Variants in IL36G observed in about 807,000 individuals in gnomAD.
IL36G encodes the protein interleukin 36 gamma, also known as interleukin-36 gamma.
In IL36G, 10 loss-of-function variants were observed where a neutral mutation model predicts 13.5. That is an observed-to-expected ratio of 0.74 (90% CI 0.46 to 1.26). IL36G has a LOEUF of 1.26. Among genes scored for constraint, IL36G ranks in the 50% most tolerant of loss-of-function variants. The pLI, the probability that IL36G is intolerant of heterozygous loss-of-function variation, is 0.00. For synonymous variants in IL36G, 84 were observed against 74.0 expected (o/e 1.13, Z -0.69); for missense variants, 199 against 203.0 (o/e 0.98, Z 0.12).
Position 112,980,044 on chromosome 2 carries a change from G to A in IL36G, c.196G>A (p.Ala66Thr), listed in dbSNP as rs1284412138. ...TGTTATCACATGCAAGTATCCAGAGGCTCTTGAGCAAGGCAGAGGGGATCC... is the reference window on the plus strand; with the variant it reads ...TGTTATCACATGCAAGTATCCAGAGACTCTTGAGCAAGGCAGAGGGGATCC... ...VAVITCKYPEALEQGRGDPIY... is the reference protein window; with the variant it reads ...VAVITCKYPETLEQGRGDPIY... Residue 66 changes from alanine to threonine, a missense_variant, in exon 4 of 5, where the codon GCT becomes ACT. Ala to Thr is a moderately conservative substitution (Grantham distance 58). Coordinates refer to ENST00000259205, the MANE Select transcript of IL36G (RefSeq NM_019618.4). 6.2e-7 allele frequency: 1 copy of A among 1,613,606 alleles called. No homozygotes were observed. Among genetic ancestry groups the A allele is most frequent in the Non-Finnish European group, 8.5e-7 (1 of 1,179,710 alleles).
rs368856752 is a variant in IL36G, at chr2:112,978,680, C to T, written c.42C>T (p.Ala14=). ...GAGACGCTGATGGTGGAGGAAGGGC[C>T]GTCTATCAATCAAGTGAATCAAATG... The part of the protein sequence containing the change: ...TPGDADGGGR[A]VYQSMCKPIT... Residue 14 remains alanine, a synonymous_variant, in exon 2 of 5, where the codon GCC becomes GCT. Transcript: ENST00000259205. The T allele has an allele frequency of 5.0e-5, 81 of 1,613,986 alleles. No homozygotes were observed. The highest frequency in any genetic ancestry group is 6.3e-5 in the Non-Finnish European group (74 of 1,179,996).
chr2:112,984,507 T>C (rs1241493871), intron 4 of IL36G, among the ~76,000 whole-genome samples: 1 of 152,100 alleles, frequency 6.6e-6, no homozygotes, highest in African/African-American at 2.4e-5. Context: ...GTAAGGGAGG[T>C]AATTTCCAAT....
chr2:112,979,408 T>G (rs1684223648), intron 3 of IL36G, 83 bp downstream of exon 3: 1 of 790,136 alleles, frequency 1.3e-6, no homozygotes. Context: ...AAAGTGTGAC[T>G]TTACAATGGG....
chr2:112,981,867 T>C (rs1684268565), intron 4 of IL36G, among the ~76,000 whole-genome samples: 1 of 152,230 alleles, frequency 6.6e-6, no homozygotes, highest in Non-Finnish European at 1.5e-5. Flanking sequence ...TGGTTTGTTC[T>C]TTTTTTATTT....
At chr2:112,981,502 G>T in intron 4 of IL36G, 1 of 557,312 alleles carries the variant, frequency 1.8e-6, no homozygotes, top group Non-Finnish European at 3.2e-6. Context: ...GTTTTGGTCA[G>T]TCTGGGGGCT....
chr2:112,978,834 C>T, intron 2 of IL36G, 141 bp downstream of exon 2: 2 of 817,718 alleles, frequency 2.4e-6, no homozygotes, highest in East Asian at 2.6e-5. Flanking sequence ...ACCACTGGGC[C>T]CTGGGCTTCT....
intron 4 of IL36G, 106 bp from the exon 5 acceptor site, chr2:112,984,734 T>G: frequency 1.1e-6 from 1 of 948,266 alleles, no homozygotes; most frequent in Non-Finnish European, 1.7e-6. Context: ...AATAGATGGA[T>G]AAGGTTTTCT....
intron 4 of IL36G, chr2:112,981,550 A>T: frequency 7.1e-6 from 3 of 424,590 alleles, no homozygotes; most frequent in Non-Finnish European, 8.6e-6. Context: ...GTCTTTCTTA[A>T]CCTTTGATAT....
At chr2:112,981,647 C>T (rs963393296) in intron 4 of IL36G, among the ~76,000 whole-genome samples, 2 of 152,212 alleles carry the variant, frequency 1.3e-5, no homozygotes, top group Non-Finnish European at 2.9e-5. Flanking sequence ...AGTTATGAAT[C>T]TCACTTCAAT....
intron 4 of IL36G, chr2:112,981,298 T>G: frequency 8.7e-7 from 1 of 1,144,050 alleles, no homozygotes; most frequent in Non-Finnish European, 1.3e-6. Context: ...CTCCCTTCTT[T>G]GCAGGGGCAT....
At position 112,980,028 on chromosome 2, in the gene IL36G, A is replaced by C; in HGVS notation, c.180A>C (p.Thr60=). The C allele has an allele frequency of 6.2e-7, 1 of 1,613,158 alleles. No homozygotes were observed. The highest frequency in any genetic ancestry group is 8.5e-7 in the Non-Finnish European group (1 of 1,179,388). ...SVTPVTVAVI[T]CKYPEALEQG... Reference sequence around the variant, plus strand: ...TTACAGTCACTGTTGCTGTTATCACATGCAAGTATCCAGAGGCTCTTGAGC... The same window carrying C: ...TTACAGTCACTGTTGCTGTTATCACCTGCAAGTATCCAGAGGCTCTTGAGC... Residue 60 remains threonine, a synonymous_variant, in exon 4 of 5, where the codon ACA becomes ACC. Coordinates refer to ENST00000259205, the MANE Select transcript of IL36G (RefSeq NM_019618.4).
chr2:112,981,019 A>G (rs1182480548), intron 4 of IL36G: 6 of 591,638 alleles, frequency 1.0e-5, no homozygotes, highest in South Asian at 5.9e-5. Context: ...CCCTAAAAAC[A>G]ACAATGAAGT....
intron 4 of IL36G, among the ~76,000 whole-genome samples, chr2:112,981,722 T>C (rs528027648): frequency 1.3e-5 from 2 of 152,332 alleles, no homozygotes; most frequent in African/African-American, 4.8e-5. Context: ...AAAATTTTGG[T>C]GTTGCATCTG....
intron 4 of IL36G, among the ~76,000 whole-genome samples, chr2:112,984,152 T>C (rs1218731350): frequency 6.6e-6 from 1 of 152,262 alleles, no homozygotes; most frequent in Non-Finnish European, 1.5e-5. Flanking sequence ...GGGTGGAATG[T>C]GGCTGAATTA....
intron 4 of IL36G, among the ~76,000 whole-genome samples, chr2:112,980,836 G>C (rs13413331): frequency 0.037 from 5,674 of 152,274 alleles, 355 homozygotes; most frequent in African/African-American, 0.13. Flanking sequence ...ACATAAAAAT[G>C]AATTTATTTT....
chr2:112,981,518 T>C (rs2105012621), intron 4 of IL36G: 1 of 532,540 alleles, frequency 1.9e-6, no homozygotes, highest in South Asian at 2.2e-5. Context: ...GGGCTGTTCT[T>C]GCCTCTTCTT....
intron 4 of IL36G, chr2:112,981,041 T>C: frequency 1.6e-6 from 1 of 639,020 alleles, no homozygotes; most frequent in Non-Finnish European, 2.8e-6. Flanking sequence ...TTCTGGGTGC[T>C]AACAACATAG....
intron 3 of IL36G, among the ~76,000 whole-genome samples, 196 bp from the exon 4 acceptor site, chr2:112,979,813 C>G (rs923344846): frequency 6.6e-6 from 1 of 151,684 alleles, no homozygotes; most frequent in Non-Finnish European, 1.5e-5. Context: ...TGCTCATTTA[C>G]TAGGGCAGTG....
chr2:112,982,013 C>A (rs1304080622), intron 4 of IL36G, among the ~76,000 whole-genome samples: 1 of 152,176 alleles, frequency 6.6e-6, no homozygotes, highest in East Asian at 1.9e-4. Context: ...TATAGCTGTG[C>A]ACAGAATGGC....
Sources: gnomAD v4.1 joint callset for allele counts (sites outside exome capture counted in the v4.1 genomes callset) on GRCh38, gnomAD v4.1.1 for gene constraint, MANE v1.5 for transcripts, NCBI Gene and HGNC (gene_info 2026-07-23, HGNC 2026-07-21) for gene names.